ZKSCAN5: variants seen among roughly 807,000 people sequenced by gnomAD.
The protein encoded by ZKSCAN5 is zinc finger protein with KRAB and SCAN domains 5.
ZKSCAN5 carries 28 observed loss-of-function variants against 60.0 expected under a neutral mutation model. The ratio of observed to expected loss-of-function variants is 0.47; its 90% CI spans 0.35 to 0.64. The LOEUF is 0.64. Among genes scored for constraint, ZKSCAN5 ranks in the 30% least tolerant of loss-of-function variants. The probability of loss-of-function intolerance (pLI) is 0.01; values close to 1 mark genes in which losing one functional copy is unlikely to be tolerated. For missense variants in ZKSCAN5, 881 were observed against 1,034.6 expected, an observed-to-expected ratio of 0.85 and a Z score of 2.04; for synonymous variants, 361 against 371.2, an observed-to-expected ratio of 0.97 and a Z score of 0.31.
Position 99,531,148 on chromosome 7 carries a change from G to A in ZKSCAN5, c.1419G>A (p.Lys473=), listed in dbSNP as rs1172659290. 1.2e-6 allele frequency: 2 copies of A among 1,602,726 alleles called. No homozygotes were observed. The highest frequency in any genetic ancestry group is 1.7e-4 in the Middle Eastern group (1 of 6,032). ...KRSKNTKLSV[K]KKISEYSEAD... is the part of the protein sequence containing the mutation. ...GTAAGAACACAAAATTAAGTGTTAA[G>A]AAGAAAATTTCAGAATATTCAGAAG... The change falls in exon 7 of 7, where the codon AAG becomes AAA. Residue 473 remains lysine, a synonymous_variant. Transcript: ENST00000326775.
intron 1 of ZKSCAN5, 110 bp downstream of exon 1, chr7:99,504,843 A>C (rs1584155808): frequency 6.5e-6 from 1 of 153,030 alleles, no homozygotes; most frequent in African/African-American, 2.4e-5. Context: ...AGCAAGGTAC[A>C]GACCTACTTC....
intron 6 of ZKSCAN5, among the ~76,000 whole-genome samples, chr7:99,528,540 C>T (rs906036304): frequency 1.3e-5 from 2 of 152,150 alleles, no homozygotes; most frequent in African/African-American, 4.8e-5. Context: ...AATCCTCCCA[C>T]CTCAGCTTCC....
At chr7:99,508,992 T>C (rs1376270197) in intron 2 of ZKSCAN5, among the ~76,000 whole-genome samples, 1 of 151,846 alleles carries the variant, frequency 6.6e-6, no homozygotes, top group Non-Finnish European at 1.5e-5. Context: ...TTAGTTTTTT[T>C]ATTTTTATTT....
chr7:99,505,749 T>G, intron 1 of ZKSCAN5: 1 of 273,654 alleles, frequency 3.7e-6, no homozygotes, highest in Non-Finnish European at 7.1e-6. Flanking sequence ...TTGGGCCTGA[T>G]GTCAGATTTG....
intron 2 of ZKSCAN5, among the ~76,000 whole-genome samples, chr7:99,507,595 G>A (rs1046086518): frequency 6.7e-6 from 1 of 148,900 alleles, no homozygotes. Context: ...ATGTGTGTGT[G>A]TATATATATA....
chr7:99,529,128 G>C (rs1384227191), intron 6 of ZKSCAN5, among the ~76,000 whole-genome samples: 2 of 151,956 alleles, frequency 1.3e-5, no homozygotes, highest in African/African-American at 4.8e-5. Context: ...TCACCACCCA[G>C]TTATGTATTT....
intron 2 of ZKSCAN5, among the ~76,000 whole-genome samples, chr7:99,508,155 C>T (rs1191924303): frequency 2.0e-5 from 3 of 151,036 alleles, no homozygotes; most frequent in Non-Finnish European, 3.0e-5. Context: ...AAAAATTAGC[C>T]GGGCGTGGTG....
chr7:99,531,567 C>A lies in ZKSCAN5; in HGVS notation c.1838C>A (p.Ala613Asp). Residue 613 changes from alanine to aspartate, a missense_variant, in exon 7 of 7, where the codon GCC (alanine) becomes GAC (aspartate). By Grantham distance (126) the Ala-to-Asp change is moderately radical. Transcript: ENST00000326775. ...KPYTCPLCGK[A>D]FRVRSHLVQH... Reference sequence around the variant, plus strand: ...TACACCTGTCCCTTATGTGGGAAAGCCTTCAGAGTGAGGTCCCACCTTGTT... The same window carrying A: ...TACACCTGTCCCTTATGTGGGAAAGACTTCAGAGTGAGGTCCCACCTTGTT... The A allele has an allele frequency of 6.2e-7, 1 of 1,614,118 alleles. No homozygotes were observed. Among genetic ancestry groups the A allele is most frequent in the South Asian group, 1.1e-5 (1 of 91,076 alleles).
At position 99,533,068 on chromosome 7, in the gene ZKSCAN5, TACCC is replaced by T. The variant is rs1032300700; in HGVS notation, c.*822_*825del. 2 of 294,858 alleles carry T rather than the reference TACCC, an allele frequency of 6.8e-6. No homozygotes were observed. Among genetic ancestry groups the T allele is most frequent in the Non-Finnish European group, 1.4e-5 (2 of 137,950 alleles). 18.3% of individuals were successfully genotyped at this position (294,858 alleles called of 1,614,324 possible). On this transcript the variant is annotated 3_prime_UTR_variant, in exon 7 of 7. Transcript: ENST00000326775. Reference sequence around the variant, plus strand: ...AGTTGTGGACTGTTTGATCTTGTATTACCCACAGGAATGAGGGCAGCTAAACCCA... The same window carrying T: ...AGTTGTGGACTGTTTGATCTTGTATTACAGGAATGAGGGCAGCTAAACCCA...
At chr7:99,520,634 G>A (rs1801494653) in intron 5 of ZKSCAN5, among the ~76,000 whole-genome samples, 1 of 152,096 alleles carries the variant, frequency 6.6e-6, no homozygotes, top group Non-Finnish European at 1.5e-5. Context: ...ACTTTGGGAG[G>A]CCGAGGTGGG....
At chr7:99,521,048 G>C (rs1033056802) in intron 5 of ZKSCAN5, among the ~76,000 whole-genome samples, 9 of 151,994 alleles carry the variant, frequency 5.9e-5, no homozygotes, top group Non-Finnish European at 8.8e-5. Context: ...GTACTGTCTG[G>C]AGCAGTTATA....
intron 3 of ZKSCAN5, among the ~76,000 whole-genome samples, chr7:99,513,575 G>A (rs1260580770): frequency 1.3e-5 from 2 of 151,942 alleles, no homozygotes; most frequent in African/African-American, 4.8e-5. Flanking sequence ...TGGATTTTTA[G>A]TAAAGATGGG....
Position 99,506,051 on chromosome 7 carries a change from A to G in ZKSCAN5, c.7A>G (p.Met3Val), listed in dbSNP as rs1207155193. 6.2e-7 allele frequency: 1 copy of G among 1,613,018 alleles called. No individual in the cohort carries two copies. The highest frequency in any genetic ancestry group is 8.5e-7 in the Non-Finnish European group (1 of 1,179,296). The change falls in exon 2 of 7, where the codon ATG becomes GTG. Residue 3 changes from methionine (M) to valine (V), a missense_variant. Around this residue, in one of 5 missense-constraint regions of ZKSCAN5, gnomAD observed 88 missense variants for 65.2 expected, o/e 1.35. Transcript: ENST00000326775. MI[M>V]TESREVIDLD... ...GACTTCCCTCTGAGTTGGAATGATA[A>G]TGACCGAATCCCGAGAAGTTATAGA...
At position 99,512,515 on chromosome 7, in the gene ZKSCAN5, C is replaced by T. The variant is rs1298498399; in HGVS notation, c.477C>T (p.Ser159=). The change falls in exon 3 of 7, where the codon TCC becomes TCT. Residue 159 remains serine (S), a synonymous_variant. Coordinates refer to ENST00000326775, the MANE Select transcript of ZKSCAN5 (RefSeq NM_145102.4). ...CAACACCTGGAGCAGTGCAGGAGTCCTGCAGCCCCCATCCCCTGACCGTGG... is the reference window on the plus strand; with the variant it reads ...CAACACCTGGAGCAGTGCAGGAGTCTTGCAGCCCCCATCCCCTGACCGTGG... ...KMATPGAVQE[S]CSPHPLTVDT... 1.2e-6 allele frequency: 2 copies of T among 1,614,128 alleles called. No homozygotes were observed. Among genetic ancestry groups the T allele is most frequent in the East Asian group, 2.2e-5 (1 of 44,872 alleles).
chr7:99,526,227 A>C lies in ZKSCAN5; in HGVS notation c.1187A>C (p.His396Pro). 6.2e-7 allele frequency: 1 copy of C among 1,614,212 alleles called. No individual in the cohort carries two copies. Among genetic ancestry groups the C allele is most frequent in the South Asian group, 1.1e-5 (1 of 91,092 alleles). ...RVHLTQHQRV[H>P]TGEKPYKCQV... The stretch of plus-strand genomic sequence containing the variant: ...CACCTCACCCAGCACCAGCGCGTCC[A>C]CACAGGGGAGAAACCCTACAAATGT... The change falls in exon 6 of 7, where the codon CAC becomes CCC. Residue 396 changes from histidine to proline, a missense_variant. This residue lies in a region of ZKSCAN5 where 490 missense variants were observed against 554.5 expected (regional missense o/e 0.88). Coordinates refer to ENST00000326775, the MANE Select transcript of ZKSCAN5 (RefSeq NM_145102.4).
chr7:99,525,828 A>G lies in ZKSCAN5; in HGVS notation c.788A>G (p.Asp263Gly). The change falls in exon 6 of 7, where the codon GAC becomes GGC. Residue 263 changes from aspartate to glycine, a missense_variant. By Grantham distance (94) the Asp-to-Gly change is moderately conservative. Around this residue, in one of 5 missense-constraint regions of ZKSCAN5, gnomAD observed 490 missense variants for 554.5 expected, o/e 0.88. Coordinates refer to ENST00000326775, the MANE Select transcript of ZKSCAN5 (RefSeq NM_145102.4). ...SITSMGYESRDNMELIVKQIS... is the reference protein window; with the variant it reads ...SITSMGYESRGNMELIVKQIS... ...GTTATTTCAGGTTATGAGTCCAGGG[A>G]CAATATGGAGCTCATAGTGAAGCAG... 1.2e-6 allele frequency: 2 copies of G among 1,611,048 alleles called. No homozygotes were observed. The highest frequency in any genetic ancestry group is 8.5e-7 in the Non-Finnish European group (1 of 1,177,640).
At chr7:99,525,206 T>C (rs565103118) in intron 5 of ZKSCAN5, among the ~76,000 whole-genome samples, 2 of 149,796 alleles carry the variant, frequency 1.3e-5, no homozygotes, top group African/African-American at 4.9e-5. Context: ...TCGCGTTGGC[T>C]CACGTCTGTA....
intron 3 of ZKSCAN5, among the ~76,000 whole-genome samples, chr7:99,517,855 AAAAAAG>A (rs1191131410): frequency 1.3e-5 from 2 of 152,098 alleles, no homozygotes; most frequent in Non-Finnish European, 2.9e-5. Flanking sequence ...TCAAAAAAAA[AAAAAAG>A]AAAGTTTACA....
chr7:99,513,611 C>T (rs564181557), intron 3 of ZKSCAN5: 82 of 154,428 alleles, frequency 5.3e-4, no homozygotes, highest in Non-Finnish European at 1.0e-3. Flanking sequence ...CCAAGCTAGT[C>T]TTGAACTCCT....
Sources: allele counts gnomAD v4.1 joint callset (sites outside exome capture counted in the v4.1 genomes callset), GRCh38; gene constraint gnomAD v4.1.1; regional missense constraint gnomAD v4.1.1; transcripts MANE v1.5; gene names NCBI Gene and HGNC (gene_info 2026-07-23, HGNC 2026-07-21).